Variants in FMN2 observed in about 807,000 individuals in gnomAD.
FMN2 encodes formin-2.
In FMN2, 51 loss-of-function variants were observed where a neutral mutation model predicts 142.3. The ratio of observed to expected loss-of-function variants is 0.36; its 90% confidence interval spans 0.29 to 0.45. The LOEUF is 0.45. Ranked by LOEUF, FMN2 falls within the 20% of genes least tolerant of loss-of-function variation. The pLI, the probability that FMN2 is intolerant of heterozygous loss-of-function variation, is 1.00. For synonymous variants in FMN2, 882 were observed against 869.8 expected (o/e 1.01, Z -0.25); for missense variants, 1,936 against 2,122.8 (o/e 0.91, Z 1.73).
In FMN2 at chr1:240,208,671, A is replaced by T. The variant is rs765455415; in HGVS notation, c.3859A>T (p.Ile1287Leu). 9.3e-6 allele frequency: 15 copies of T among 1,613,766 alleles called. No individual in the cohort carries two copies. Among genetic ancestry groups the T allele is most frequent in the Admixed American group, 6.7e-5 (4 of 59,988 alleles). ...GGACAAAGGGAGTAGGAAGCAGCCC[A>T]TAGAGCCTTGTCGACCAATGAAGCC... ...NQDKGSRKQPIEPCRPMKPLY... is the reference protein window; with the variant it reads ...NQDKGSRKQPLEPCRPMKPLY... Residue 1287 changes from isoleucine to leucine, a missense_variant, in exon 5 of 18, where the codon ATA becomes TTA. Ile to Leu is a conservative substitution (Grantham distance 5). This residue lies in a region of FMN2 where 259 missense variants were observed against 230.9 expected (regional missense o/e 1.12). Coordinates refer to ENST00000319653, the MANE Select transcript of FMN2 (RefSeq NM_020066.5).
At chr1:240,312,540 T>C (rs1469569071) in intron 8 of FMN2, among the ~76,000 whole-genome samples, 1 of 152,212 alleles carries the variant, frequency 6.6e-6, no homozygotes, top group East Asian at 1.9e-4. Flanking sequence ...TAGTAAGCAC[T>C]ACAAAAAACA....
chr1:240,379,594 G>T (rs1298926005), intron 14 of FMN2, among the ~76,000 whole-genome samples: 2 of 151,978 alleles, frequency 1.3e-5, no homozygotes, highest in Non-Finnish European at 2.9e-5. Flanking sequence ...ATTGCTTTTA[G>T]ACAGAAATCT....
chr1:240,381,718 C>T lies in FMN2; in HGVS notation c.4859-10793C>T, dbSNP rs76760030. Among the ~76,000 whole-genome samples the T allele has an allele frequency of 1.1e-3, 168 of 152,252 alleles. 1 individual carries two copies. The highest frequency in any genetic ancestry group is 3.7e-3 in the African/African-American group (153 of 41,548). ...GTGTTGGGATTACTGGCATGAGCCA[C>T]CCTGCCTGGCCAATCATCTTAACAG... On this transcript the variant is annotated intron_variant, in intron 14 of 17. Coordinates refer to ENST00000319653, the MANE Select transcript of FMN2 (RefSeq NM_020066.5).
chr1:240,192,943 C>G (rs989585746), intron 4 of FMN2, among the ~76,000 whole-genome samples: 16 of 151,726 alleles, frequency 1.1e-4, no homozygotes, highest in African/African-American at 3.6e-4. Flanking sequence ...ACAAAAGAAA[C>G]TCTTCTATGA....
chr1:240,212,960 T>G (rs1486049781), intron 6 of FMN2, among the ~76,000 whole-genome samples: 1 of 152,156 alleles, frequency 6.6e-6, no homozygotes, highest in African/African-American at 2.4e-5. Context: ...TTTGTTTGTT[T>G]TTGTTTGTTT....
intron 2 of FMN2, among the ~76,000 whole-genome samples, chr1:240,156,107 C>A (rs1022681804): frequency 6.6e-6 from 1 of 151,944 alleles, no homozygotes; most frequent in Non-Finnish European, 1.5e-5. Flanking sequence ...AAAAGTCAGC[C>A]AGGCACAGTG....
chr1:240,341,702 A>G (rs996288253), intron 13 of FMN2, among the ~76,000 whole-genome samples: 5 of 151,934 alleles, frequency 3.3e-5, no homozygotes, highest in Middle Eastern at 3.4e-3. Context: ...CTGTCTTTTG[A>G]TTTTTTTTCA....
intron 4 of FMN2, among the ~76,000 whole-genome samples, chr1:240,205,335 A>G (rs894970944): frequency 6.6e-6 from 1 of 152,158 alleles, no homozygotes. Context: ...AGTTTCCACA[A>G]AAGTGGGAGT....
intron 15 of FMN2, among the ~76,000 whole-genome samples, chr1:240,417,921 T>C (rs1407271299): frequency 6.6e-6 from 1 of 152,146 alleles, no homozygotes; most frequent in Non-Finnish European, 1.5e-5. Context: ...GTTCTTATCA[T>C]CCTGATGGAA....
At chr1:240,405,156 C>T (rs1428593435) in intron 15 of FMN2, among the ~76,000 whole-genome samples, 1 of 152,142 alleles carries the variant, frequency 6.6e-6, no homozygotes, top group Non-Finnish European at 1.5e-5. Context: ...AATGAAATCA[C>T]TGTGTGTTTG....
At chr1:240,134,441 T>A (rs568076022) in intron 2 of FMN2, among the ~76,000 whole-genome samples, 26 of 151,980 alleles carry the variant, frequency 1.7e-4, no homozygotes, top group African/African-American at 6.3e-4. Flanking sequence ...CTGGGCCATA[T>A]AGGGAGACTC....
At chr1:240,348,163 C>T (rs1456358063) in intron 13 of FMN2, among the ~76,000 whole-genome samples, 2 of 152,114 alleles carry the variant, frequency 1.3e-5, no homozygotes, top group East Asian at 1.9e-4. Flanking sequence ...ACATCCTCAT[C>T]AACAATGTAT....
chr1:240,302,179 C>T (rs1395807659), intron 8 of FMN2, among the ~76,000 whole-genome samples: 2 of 151,864 alleles, frequency 1.3e-5, no homozygotes, highest in Non-Finnish European at 2.9e-5. Context: ...CTATAATTTT[C>T]CTAGAATTTT....
intron 4 of FMN2, among the ~76,000 whole-genome samples, chr1:240,203,038 A>C: frequency 6.6e-6 from 1 of 152,352 alleles, no homozygotes; most frequent in Non-Finnish European, 1.5e-5. Context: ...GTCACCTTTA[A>C]GAGTATGCTG....
At chr1:240,180,041 G>T in intron 3 of FMN2, 1 of 384,354 alleles carries the variant, frequency 2.6e-6, no homozygotes. Context: ...AAAGATGATA[G>T]TTGGAATTGA....
intron 15 of FMN2, among the ~76,000 whole-genome samples, chr1:240,431,559 A>G (rs969188932): frequency 3.3e-5 from 5 of 151,396 alleles, no homozygotes; most frequent in Non-Finnish European, 7.4e-5. Context: ...CTGAACTAAA[A>G]AGAAAATATC....
At chr1:240,215,323 T>G (rs1229921736) in intron 6 of FMN2, among the ~76,000 whole-genome samples, 1 of 152,200 alleles carries the variant, frequency 6.6e-6, no homozygotes. Context: ...TTATATCAGC[T>G]CATATAATGC....
chr1:240,319,335 T>A (rs908557424), intron 8 of FMN2, among the ~76,000 whole-genome samples: 1 of 152,190 alleles, frequency 6.6e-6, no homozygotes, highest in Non-Finnish European at 1.5e-5. Context: ...ATAAAGGAAC[T>A]CGTAGAAGTT....
intron 15 of FMN2, among the ~76,000 whole-genome samples, chr1:240,409,869 T>C (rs1385919533): frequency 6.6e-6 from 1 of 152,206 alleles, no homozygotes; most frequent in Non-Finnish European, 1.5e-5. Context: ...ACCTATTATG[T>C]ATTTCAGGGT....
Sources: gnomAD v4.1 joint callset for allele counts (sites outside exome capture counted in the v4.1 genomes callset) on GRCh38, gnomAD v4.1.1 for gene constraint, gnomAD v4.1.1 regional missense constraint, MANE v1.5 for transcripts, NCBI Gene and HGNC (gene_info 2026-07-23, HGNC 2026-07-21) for gene names.